SORCS2: variants seen among roughly 807,000 people sequenced by gnomAD.
SORCS2 encodes sortilin related VPS10 domain containing receptor 2, also known as VPS10 domain-containing receptor SorCS2.
SORCS2 carries 100 observed loss-of-function variants against 141.6 expected under a neutral mutation model. The observed-to-expected ratio is 0.71, with a 90% CI of 0.60 to 0.83. The LOEUF is 0.83. SORCS2 is among the 40% of genes least tolerant of loss of function. SORCS2 has a pLI of 0.00. For missense variants in SORCS2, 1,646 were observed against 1,560.2 expected, an observed-to-expected ratio of 1.05 and a Z score of -0.93; for synonymous variants, 789 against 676.9, an observed-to-expected ratio of 1.17 and a Z score of -2.57.
chr4:7,618,075 G>T (rs1577847332), intron 3 of SORCS2, among the ~76,000 whole-genome samples: 1 of 151,904 alleles, frequency 6.6e-6, no homozygotes, highest in African/African-American at 2.4e-5. Flanking sequence ...ATCTCCTGCT[G>T]CCCCATGACA....
At chr4:7,669,956 T>A (rs1234660416) in intron 8 of SORCS2, among the ~76,000 whole-genome samples, 1 of 152,284 alleles carries the variant, frequency 6.6e-6, no homozygotes, top group Admixed American at 6.5e-5. Flanking sequence ...GTCTTGTTGC[T>A]TGGACATTTG....
intron 1 of SORCS2, among the ~76,000 whole-genome samples, chr4:7,371,232 C>T (rs1041174140): frequency 2.6e-5 from 4 of 152,272 alleles, no homozygotes; most frequent in East Asian, 1.9e-4. Context: ...CGTGTGTACC[C>T]GCTGCAGGTC....
intron 1 of SORCS2, among the ~76,000 whole-genome samples, chr4:7,224,468 G>A (rs1423502046): frequency 6.9e-6 from 1 of 145,248 alleles, no homozygotes; most frequent in Non-Finnish European, 1.5e-5. Context: ...CAGAAACCTC[G>A]CCATCTGGCC....
chr4:7,639,783 GT>G (rs1560447354), intron 4 of SORCS2, among the ~76,000 whole-genome samples: 5 of 151,880 alleles, frequency 3.3e-5, no homozygotes, highest in Non-Finnish European at 7.4e-5. Context: ...GTGTGTGTGT[GT>G]GGGTATGTAT....
At position 7,420,625 on chromosome 4, in the gene SORCS2, C is replaced by CTTGCCTGCT. The variant is rs1196045215; in HGVS notation, c.548+24272_548+24280dup. ...TGGTGTCACTGGAGGGGCTGCACAC[C>CTTGCCTGCT]TTGCCTGCTTGTCCTCTTTCCTGAC... On this transcript the variant is annotated intron_variant, in intron 2 of 26. Transcript: ENST00000507866. 2.2e-4 allele frequency among the ~76,000 whole-genome samples: 33 copies of CTTGCCTGCT among 152,258 alleles called. 1 individual carries two copies. The highest frequency in any genetic ancestry group is 1.0e-3 in the Admixed American group (16 of 15,304).
Position 7,233,493 on chromosome 4 carries a change from G to A in SORCS2, c.480+40367G>A, listed in dbSNP as rs1712050653. ...ACAGTGCAGTACAGACCCTCGCTGGGCTCAGGGTGAGCAGACACTTGCTGG... is the reference window on the plus strand; with the variant it reads ...ACAGTGCAGTACAGACCCTCGCTGGACTCAGGGTGAGCAGACACTTGCTGG... On this transcript the variant is annotated intron_variant, in intron 1 of 26. Coordinates refer to ENST00000507866, the MANE Select transcript of SORCS2 (RefSeq NM_020777.3). The surrounding 1 kb of genome is among the most constrained non-coding windows in gnomAD (Gnocchi z 4.5). Among the ~76,000 whole-genome samples, 2 of 152,192 alleles carry A rather than the reference G, an allele frequency of 1.3e-5. No individual in the cohort carries two copies. The highest frequency in any genetic ancestry group is 1.5e-5 in the Non-Finnish European group (1 of 68,028).
intron 2 of SORCS2, among the ~76,000 whole-genome samples, chr4:7,458,536 A>G (rs775026586): frequency 6.6e-6 from 1 of 152,202 alleles, no homozygotes; most frequent in African/African-American, 2.4e-5. Context: ...TAGCCCTTTC[A>G]GGTTAGACTT....
At chr4:7,652,786 C>T (rs371712629) in intron 4 of SORCS2, among the ~76,000 whole-genome samples, 3 of 151,978 alleles carry the variant, frequency 2.0e-5, no homozygotes, top group South Asian at 2.1e-4. Context: ...TGTCTGACCA[C>T]GGACCCCCTG....
intron 2 of SORCS2, among the ~76,000 whole-genome samples, chr4:7,529,150 A>C (rs1733872494): frequency 6.6e-6 from 1 of 152,088 alleles, no homozygotes; most frequent in African/African-American, 2.4e-5. Flanking sequence ...ACACTACTCA[A>C]GCCCGTCCAA....
intron 2 of SORCS2, among the ~76,000 whole-genome samples, chr4:7,470,344 C>T (rs1729896492): frequency 1.3e-5 from 2 of 151,776 alleles, no homozygotes; most frequent in African/African-American, 2.4e-5. Context: ...CATCCATCCT[C>T]TCACTTATCG....
chr4:7,223,251 T>G (rs62289707), intron 1 of SORCS2, among the ~76,000 whole-genome samples: 2 of 151,894 alleles, frequency 1.3e-5, no homozygotes, highest in African/African-American at 4.8e-5. Flanking sequence ...GCCTTCTCAT[T>G]GCATTTTTCT....
chr4:7,387,616 C>T (rs1401806925), intron 1 of SORCS2, among the ~76,000 whole-genome samples: 3 of 140,430 alleles, frequency 2.1e-5, no homozygotes, highest in African/African-American at 5.7e-5. Flanking sequence ...CATGCACACA[C>T]ATACACATTT....
chr4:7,247,210 A>C (rs533587090), intron 1 of SORCS2, among the ~76,000 whole-genome samples: 9 of 152,322 alleles, frequency 5.9e-5, no homozygotes, highest in African/African-American at 2.2e-4. Context: ...GCCTGAGTAC[A>C]GAATTAGGAA....
At chr4:7,563,738 T>C (rs989342281) in intron 3 of SORCS2, among the ~76,000 whole-genome samples, 4 of 152,224 alleles carry the variant, frequency 2.6e-5, no homozygotes, top group African/African-American at 9.6e-5. Flanking sequence ...ATGGAGTTTA[T>C]TCCCTCTCTG....
At chr4:7,623,288 C>T (rs997940299) in intron 3 of SORCS2, among the ~76,000 whole-genome samples, 6 of 152,166 alleles carry the variant, frequency 3.9e-5, no homozygotes, top group Admixed American at 1.3e-4. Flanking sequence ...TGCCTGGAGA[C>T]ATCCATTTCC....
intron 1 of SORCS2, among the ~76,000 whole-genome samples, chr4:7,247,915 C>T (rs1320133261): frequency 3.3e-5 from 5 of 152,206 alleles, no homozygotes; most frequent in Non-Finnish European, 5.9e-5. Context: ...TAGGAGGGCG[C>T]GACTCTGTCC....
chr4:7,437,876 C>T (rs1727410918), intron 2 of SORCS2, among the ~76,000 whole-genome samples: 1 of 152,182 alleles, frequency 6.6e-6, no homozygotes, highest in Admixed American at 6.5e-5. Context: ...TGTCTGTCCA[C>T]CTACCTAGCC....
At chr4:7,302,769 A>ATATGTGTGTGTGTGTG (rs1553833383) in intron 1 of SORCS2, among the ~76,000 whole-genome samples, 1 of 145,802 alleles carries the variant, frequency 6.9e-6, no homozygotes, top group Admixed American at 6.9e-5. Flanking sequence ...CAGTCCACAT[A>ATATGTGTGTGTGTGTG]TGTGTGTGTG....
intron 2 of SORCS2, among the ~76,000 whole-genome samples, chr4:7,407,753 C>T (rs2109144192): frequency 6.6e-6 from 1 of 152,202 alleles, no homozygotes; most frequent in Admixed American, 6.5e-5. Flanking sequence ...TATATCCCCT[C>T]TTCCTTTCTT....
Sources: allele counts gnomAD v4.1 joint callset (sites outside exome capture counted in the v4.1 genomes callset), GRCh38; gene constraint gnomAD v4.1.1; non-coding constraint Gnocchi (gnomAD v3.1); transcripts MANE v1.5; gene names NCBI Gene and HGNC (gene_info 2026-07-23, HGNC 2026-07-21).